GUCA1C: variants seen among roughly 807,000 people sequenced by gnomAD.
GUCA1C encodes guanylyl cyclase-activating protein 3.
GUCA1C carries 15 observed loss-of-function variants against 16.2 expected under a neutral mutation model. The observed-to-expected ratio is 0.93, with a 90% CI of 0.62 to 1.43. GUCA1C has a LOEUF of 1.43. Among genes scored for constraint, GUCA1C ranks in the 40% most tolerant of loss-of-function variants. GUCA1C has a pLI of 0.00. For missense variants in GUCA1C, 275 were observed against 244.8 expected (o/e 1.12, Z -0.82); for synonymous variants, 78 against 85.4 (o/e 0.91, Z 0.48).
intron 1 of GUCA1C, among the ~76,000 whole-genome samples, chr3:108,941,193 C>T (rs189325934): frequency 1.3e-5 from 2 of 152,240 alleles, no homozygotes; most frequent in Admixed American, 1.3e-4. Flanking sequence ...AGCCCCGCTA[C>T]TTCTCATTCC....
At chr3:108,939,808 G>A (rs767220048) in intron 1 of GUCA1C, among the ~76,000 whole-genome samples, 8 of 152,098 alleles carry the variant, frequency 5.3e-5, no homozygotes, top group Non-Finnish European at 1.0e-4. Context: ...ATCCTCATGT[G>A]TGGCTACACA....
At chr3:108,929,331 T>C (rs986689017) in intron 1 of GUCA1C, among the ~76,000 whole-genome samples, 1 of 152,200 alleles carries the variant, frequency 6.6e-6, no homozygotes, top group Non-Finnish European at 1.5e-5. Flanking sequence ...GTTTGTCTTT[T>C]GTTTTTGTTT....
intron 1 of GUCA1C, among the ~76,000 whole-genome samples, chr3:108,923,618 G>A (rs890611417): frequency 2.6e-5 from 4 of 152,040 alleles, no homozygotes; most frequent in African/African-American, 9.7e-5. Context: ...GCTTCATCTT[G>A]ATTTAGCTAT....
chr3:108,918,511 A>G (rs1946539377), intron 2 of GUCA1C, among the ~76,000 whole-genome samples: 1 of 152,214 alleles, frequency 6.6e-6, no homozygotes, highest in Non-Finnish European at 1.5e-5. Context: ...CTCAAATTGC[A>G]GGATACAACC....
Position 108,928,336 on chromosome 3 carries a change from TG to T in GUCA1C, c.205-7752del, listed in dbSNP as rs571711683. ...AGTTTTAGGAGTTCTTTTTGTATTC[TG>T]GATAACAGCCCTTCATCAGCTATGT... On this transcript the variant is annotated intron_variant, in intron 1 of 3. Coordinates refer to ENST00000261047, the MANE Select transcript of GUCA1C (RefSeq NM_005459.4). 8.5e-5 allele frequency among the ~76,000 whole-genome samples: 13 copies of T among 152,342 alleles called. No individual in the cohort carries two copies. In the East Asian group the frequency reaches 2.5e-3, roughly 29 times the overall value.
intron 1 of GUCA1C, among the ~76,000 whole-genome samples, chr3:108,939,324 C>CTTT (rs549981150): frequency 0.01 from 334 of 32,882 alleles, 67 homozygotes; most frequent in African/African-American, 0.026. Flanking sequence ...TGCTTCAAGG[C>CTTT]TTTTTTTTTT....
intron 1 of GUCA1C, among the ~76,000 whole-genome samples, chr3:108,936,883 GCCC>G (rs1417211198): frequency 1.3e-5 from 2 of 152,116 alleles, no homozygotes; most frequent in African/African-American, 4.8e-5. Context: ...CACTTCTAGG[GCCC>G]TCCCACACCT....
At chr3:108,939,562 G>A (rs1273364694) in intron 1 of GUCA1C, among the ~76,000 whole-genome samples, 5 of 151,316 alleles carry the variant, frequency 3.3e-5, no homozygotes, top group Admixed American at 2.0e-4. Flanking sequence ...CCTGACCTCA[G>A]GTGATCCACC....
In GUCA1C at chr3:108,929,373, C is replaced by T. The variant is rs539448359; in HGVS notation, c.205-8788G>A. On this transcript the variant is annotated intron_variant, in intron 1 of 3. Transcript: ENST00000261047. Reference sequence around the variant, plus strand: ...TTTTGGTTAATTCTTTTGAGTTTTCCGAAGTTGAATATCACGTTATTTGCA... The same window carrying T: ...TTTTGGTTAATTCTTTTGAGTTTTCTGAAGTTGAATATCACGTTATTTGCA... 5.9e-5 allele frequency among the ~76,000 whole-genome samples: 9 copies of T among 152,074 alleles called. No individual in the cohort carries two copies. The South Asian group carries it at 8.3e-4, about 14-fold the overall frequency.
chr3:108,931,865 C>CT (rs59451506), intron 1 of GUCA1C, among the ~76,000 whole-genome samples: 32,419 of 110,104 alleles, frequency 0.29, 5,889 homozygotes, highest in Middle Eastern at 0.35. Context: ...TTTCTTCCTT[C>CT]TTTTTTTTTT....
chr3:108,939,656 C>G (rs2107309194), intron 1 of GUCA1C, among the ~76,000 whole-genome samples: 1 of 151,278 alleles, frequency 6.6e-6, no homozygotes, highest in African/African-American at 2.4e-5. Flanking sequence ...TTAACCAGGA[C>G]TGTAACTAAA....
intron 3 of GUCA1C, 77 bp downstream of exon 3, chr3:108,916,050 T>C (rs1946506555): frequency 2.5e-6 from 4 of 1,582,050 alleles, no homozygotes; most frequent in Non-Finnish European, 3.4e-6. Context: ...TTCCTGCTTT[T>C]GTCTAAATAA....
rs542033318 is a variant in GUCA1C, at chr3:108,918,161, T to C, written c.355-1947A>G. Among the ~76,000 whole-genome samples, 8 of 152,334 alleles carry C rather than the reference T, an allele frequency of 5.3e-5. 1 individual carries two copies. Among genetic ancestry groups the C allele is most frequent in the African/African-American group, 1.4e-4 (6 of 41,580 alleles). On this transcript the variant is annotated intron_variant, in intron 2 of 3. Coordinates refer to ENST00000261047, the MANE Select transcript of GUCA1C (RefSeq NM_005459.4). The stretch of plus-strand genomic sequence containing the variant: ...AATACTTAGCGGCATCCCTGGTCTC[T>C]GAGCAATAGATGGCAACAGCCCTAC...
rs142956565 is a variant in GUCA1C, at chr3:108,921,875, A to C, written c.205-1290T>G. Reference sequence around the variant, plus strand: ...GTGGTGATTTCTGAGATTTTGGTGCACCCATCACCTGAGCAGTGAACACTG... The same window carrying C: ...GTGGTGATTTCTGAGATTTTGGTGCCCCCATCACCTGAGCAGTGAACACTG... On this transcript the variant is annotated intron_variant, in intron 1 of 3. Coordinates refer to ENST00000261047, the MANE Select transcript of GUCA1C (RefSeq NM_005459.4). Among the ~76,000 whole-genome samples the C allele has an allele frequency of 4.9e-4, 75 of 152,046 alleles. No homozygotes were observed. The East Asian group carries it at 0.014, about 28-fold the overall frequency.
chr3:108,931,638 T>G lies in GUCA1C; in HGVS notation c.205-11053A>C, dbSNP rs77185699. On this transcript the variant is annotated intron_variant, in intron 1 of 3. Transcript: ENST00000261047. ...ACTTTGGCAAATGTGATTTAATGGC[T>G]TGTGTTAGTGTTGGAGGGGGTTTAG... Among the ~76,000 whole-genome samples, 170 of 152,324 alleles carry G rather than the reference T, an allele frequency of 1.1e-3. 1 individual carries two copies. The East Asian group carries it at 0.029, about 26-fold the overall frequency.
At position 108,908,179 on chromosome 3, in the gene GUCA1C, C is replaced by G; in HGVS notation, c.473G>C (p.Gly158Ala). ...CAGGAGATCCTGATCTTTTGCCATG[C>G]CATTGATAAATTCTTCTAAAGTCAA... ...GELTLEEFIN[G>A]MAKDQDLLEI... Residue 158 changes from glycine to alanine, a missense_variant, in exon 4 of 4, where the codon GGC (glycine) becomes GCC (alanine). Transcript: ENST00000261047. 6.2e-7 allele frequency: 1 copy of G among 1,613,456 alleles called. No individual in the cohort carries two copies. The highest frequency in any genetic ancestry group is 8.5e-7 in the Non-Finnish European group (1 of 1,179,540).
chr3:108,920,403 G>A lies in GUCA1C; in HGVS notation c.354+33C>T, dbSNP rs551209483. 37 of 1,556,134 alleles carry A rather than the reference G, an allele frequency of 2.4e-5. No individual in the cohort carries two copies. The East Asian group carries it at 2.5e-4, about 10-fold the overall frequency. ...AGGGAAATTGGGTTAACTATATAGC[G>A]GCCTGAAAAGGATACTTTACTACTT... On this transcript the variant is annotated intron_variant, in intron 2 of 3. Coordinates refer to ENST00000261047, the MANE Select transcript of GUCA1C (RefSeq NM_005459.4).
At position 108,924,469 on chromosome 3, in the gene GUCA1C, C is replaced by T. The variant is rs376312861; in HGVS notation, c.205-3884G>A. Among the ~76,000 whole-genome samples the T allele has an allele frequency of 5.9e-5, 9 of 151,612 alleles. No individual in the cohort carries two copies. In the East Asian group the frequency reaches 9.7e-4, roughly 16 times the overall value. On this transcript the variant is annotated intron_variant, in intron 1 of 3. Transcript: ENST00000261047. Reference sequence around the variant, plus strand: ...ATTAACTTATGTATGTTAAGCCATCCCTGCATCCCTAATATAAAACCCACT... The same window carrying T: ...ATTAACTTATGTATGTTAAGCCATCTCTGCATCCCTAATATAAAACCCACT...
At chr3:108,934,808 CTTT>C (rs71629371) in intron 1 of GUCA1C, among the ~76,000 whole-genome samples, 1 of 86,110 alleles carries the variant, frequency 1.2e-5, no homozygotes, top group African/African-American at 4.8e-5. Context: ...TGTTCTTGAT[CTTT>C]TTTTTTTTTT....
Sources: allele counts gnomAD v4.1 joint callset (sites outside exome capture counted in the v4.1 genomes callset), GRCh38; gene constraint gnomAD v4.1.1; transcripts MANE v1.5; gene names NCBI Gene and HGNC (gene_info 2026-07-23, HGNC 2026-07-21).